Variants in OC90 observed in about 807,000 individuals in gnomAD.
The protein encoded by OC90 is otoconin-90.
Under a neutral mutation model 47.3 loss-of-function variants are expected in OC90, and 46 were observed. That is an observed-to-expected ratio of 0.97 (90% CI 0.77 to 1.24). The LOEUF (loss-of-function observed/expected upper bound fraction) is 1.24, where lower values mean the gene tolerates loss of function less well. Among genes scored for constraint, OC90 ranks in the 50% most tolerant of loss-of-function variants. The pLI, the probability that OC90 is intolerant of heterozygous loss-of-function variation, is 0.00. For synonymous variants in OC90, 271 were observed against 219.5 expected (o/e 1.23, Z -2.07); for missense variants, 688 against 583.9 (o/e 1.18, Z -1.84).
intron 1 of OC90, among the ~76,000 whole-genome samples, chr8:132,056,562 C>G (rs1173080903): frequency 6.6e-6 from 1 of 152,164 alleles, no homozygotes; most frequent in African/African-American, 2.4e-5. Context: ...CTGCTTAGAG[C>G]CTTTTTTAGC....
At chr8:132,032,718 T>G (rs1822893522) in intron 11 of OC90, among the ~76,000 whole-genome samples, 1 of 152,160 alleles carries the variant, frequency 6.6e-6, no homozygotes, top group Admixed American at 6.5e-5. Context: ...AAAACCCAAG[T>G]GCTTCATGCT....
At chr8:132,034,548 CTAATT>C (rs1375346346) in intron 10 of OC90, among the ~76,000 whole-genome samples, 1 of 152,150 alleles carries the variant, frequency 6.6e-6, no homozygotes, top group African/African-American at 2.4e-5. Context: ...TGGTGCTAAT[CTAATT>C]TGAGATCCCC....
intron 1 of OC90, among the ~76,000 whole-genome samples, chr8:132,058,697 G>A (rs932528573): frequency 2.0e-5 from 3 of 152,176 alleles, no homozygotes; most frequent in Non-Finnish European, 4.4e-5. Context: ...GTCTTATAAA[G>A]GTAGAACACC....
intron 9 of OC90, 66 bp downstream of exon 9, chr8:132,037,371 AC>A: frequency 7.6e-7 from 1 of 1,308,762 alleles, no homozygotes; most frequent in Non-Finnish European, 1.1e-6. Flanking sequence ...GGTTGTTTAA[AC>A]GTGTATAGTC....
intron 6 of OC90, among the ~76,000 whole-genome samples, chr8:132,039,563 G>C (rs928506729): frequency 2.0e-5 from 3 of 152,116 alleles, no homozygotes; most frequent in Non-Finnish European, 4.4e-5. Flanking sequence ...GAACGTCCCA[G>C]CGTCTTCCCA....
At chr8:132,034,324 T>A (rs1021659973) in intron 10 of OC90, among the ~76,000 whole-genome samples, 1 of 152,236 alleles carries the variant, frequency 6.6e-6, no homozygotes, top group Non-Finnish European at 1.5e-5. Context: ...GAATAATCCT[T>A]CTAGCTAAAT....
intron 4 of OC90, 114 bp from the exon 5 acceptor site, chr8:132,041,813 G>T: frequency 3.3e-6 from 2 of 599,408 alleles, no homozygotes; most frequent in Non-Finnish European, 5.8e-6. Context: ...AACCTAGTAA[G>T]CACCTACTCT....
chr8:132,036,839 A>G (rs542012077), intron 9 of OC90, among the ~76,000 whole-genome samples: 42 of 152,368 alleles, frequency 2.8e-4, no homozygotes, highest in African/African-American at 9.9e-4. Flanking sequence ...AGGCGTGTAT[A>G]AGCATTAAAT....
chr8:132,050,792 G>A (rs1823202071), intron 2 of OC90, among the ~76,000 whole-genome samples: 1 of 152,120 alleles, frequency 6.6e-6, no homozygotes, highest in South Asian at 2.1e-4. Context: ...CCTGAGGTTG[G>A]GAGTTCAAGA....
chr8:132,041,624 C>G lies in OC90; in HGVS notation c.245G>C (p.Gly82Ala). ...GCAGAGACCAGCCACACACTTCATACCATTGACAAACTGGATCAGCACAGG... is the reference window on the plus strand; with the variant it reads ...GCAGAGACCAGCCACACACTTCATAGCATTGACAAACTGGATCAGCACAGG... ...NFPVLIQFVN[G>A]MKCVAGLCPR... Residue 82 changes from glycine to alanine, a missense_variant, in exon 5 of 14, where the codon GGT (glycine) becomes GCT (alanine). Physicochemically the swap from Gly to Ala is moderately conservative, Grantham distance 60 (BLOSUM62 0). Coordinates refer to ENST00000254627, the MANE Select transcript of OC90 (RefSeq NM_001080399.3). 1.9e-6 allele frequency: 3 copies of G among 1,612,848 alleles called. No homozygotes were observed. Among genetic ancestry groups the G allele is most frequent in the Non-Finnish European group, 2.5e-6 (3 of 1,179,528 alleles).
intron 1 of OC90, among the ~76,000 whole-genome samples, chr8:132,055,461 G>T (rs1173014966): frequency 6.6e-6 from 1 of 152,308 alleles, no homozygotes; most frequent in East Asian, 1.9e-4. Flanking sequence ...ATAGACTAAT[G>T]CGGAAGGGAG....
intron 13 of OC90, 113 bp downstream of exon 13, chr8:132,028,960 A>G (rs1563727915): frequency 1.4e-6 from 1 of 698,350 alleles, no homozygotes; most frequent in East Asian, 2.7e-5. Flanking sequence ...AGAAAGAAGA[A>G]AAGAGTATTA....
intron 12 of OC90, among the ~76,000 whole-genome samples, chr8:132,031,120 G>A (rs192052749): frequency 6.6e-6 from 1 of 152,366 alleles, no homozygotes; most frequent in Non-Finnish European, 1.5e-5. Context: ...CTCAGGTTGA[G>A]TGCTCCATGG....
intron 11 of OC90, 118 bp downstream of exon 11, chr8:132,032,921 G>T: frequency 8.7e-7 from 1 of 1,144,358 alleles, no homozygotes; most frequent in Non-Finnish European, 1.2e-6. Flanking sequence ...GGGGGATGAT[G>T]TCTTCTCATC....
At chr8:132,054,122 G>T (rs1039169052) in intron 2 of OC90, among the ~76,000 whole-genome samples, 1 of 152,204 alleles carries the variant, frequency 6.6e-6, no homozygotes, top group African/African-American at 2.4e-5. Flanking sequence ...GTGCTTGGAA[G>T]TCCAAGGCAG....
chr8:132,024,567 G>C lies in OC90; in HGVS notation c.1348C>G (p.Pro450Ala), dbSNP rs1554612972. 1 of 1,612,654 alleles carries C rather than the reference G, an allele frequency of 6.2e-7. No individual in the cohort carries two copies. The highest frequency in any genetic ancestry group is 8.5e-7 in the Non-Finnish European group (1 of 1,179,084). Residue 450 changes from proline (P) to alanine (A), a missense_variant, in exon 14 of 14, where the codon CCT becomes GCT. Transcript: ENST00000254627. ...GCTCTGCCGAGGTCCTCCTGTGGAG[G>C]GTCCTCCTCGCTGTCCTCCTCAGAG... is the stretch of plus-strand genomic sequence containing the variant. ...SSSEEDSEED[P>A]PQEDLGRAKR...
chr8:132,051,305 C>CT (rs2130863950), intron 2 of OC90, among the ~76,000 whole-genome samples: 1 of 152,290 alleles, frequency 6.6e-6, no homozygotes, highest in African/African-American at 2.4e-5. Context: ...CTCTGTTCTC[C>CT]TTTTTTGAAG....
intron 11 of OC90, 70 bp from the exon 12 acceptor site, chr8:132,032,122 G>A: frequency 7.0e-7 from 1 of 1,425,128 alleles, no homozygotes; most frequent in Non-Finnish European, 9.8e-7. Context: ...AAGGCCATGT[G>A]AGCCTCCGGG....
At chr8:132,057,985 C>A (rs1823297529) in intron 1 of OC90, among the ~76,000 whole-genome samples, 1 of 152,248 alleles carries the variant, frequency 6.6e-6, no homozygotes, top group South Asian at 2.1e-4. Flanking sequence ...ACAAACTAAG[C>A]ATTCCAGTGA....
Sources: gnomAD v4.1 joint callset for allele counts (sites outside exome capture counted in the v4.1 genomes callset) on GRCh38, gnomAD v4.1.1 for gene constraint, MANE v1.5 for transcripts, NCBI Gene and HGNC (gene_info 2026-07-23, HGNC 2026-07-21) for gene names.